The following CDH13 variants were observed in gnomAD, a reference collection of about 807,000 sequenced individuals.
CDH13 encodes cadherin-13.
In CDH13, 24 loss-of-function variants were observed where a neutral mutation model predicts 63.8. That is an observed-to-expected ratio of 0.38 (90% confidence interval 0.27 to 0.53). The LOEUF (loss-of-function observed/expected upper bound fraction) is 0.53. Ranked by LOEUF, CDH13 falls within the 20% of genes least tolerant of loss-of-function variation. The pLI, the probability that CDH13 is intolerant of heterozygous loss-of-function variation, is 0.85. For synonymous variants in CDH13, 503 were observed against 355.3 expected (o/e 1.42, Z -4.67); for missense variants, 1,049 against 903.1 (o/e 1.16, Z -2.07).
At chr16:83,137,415 C>G (rs1403445321) in intron 4 of CDH13, among the ~76,000 whole-genome samples, 1 of 152,212 alleles carries the variant, frequency 6.6e-6, no homozygotes, top group African/African-American at 2.4e-5. Context: ...ATGAGGTTAA[C>G]CTCGCCAACA....
chr16:83,378,948 A>G (rs1426408400), intron 6 of CDH13, among the ~76,000 whole-genome samples: 1 of 151,890 alleles, frequency 6.6e-6, no homozygotes, highest in East Asian at 1.9e-4. Flanking sequence ...AATTATTTCC[A>G]AGATAGGTTT....
At chr16:83,271,684 C>A (rs562426302) in intron 5 of CDH13, among the ~76,000 whole-genome samples, 5 of 151,856 alleles carry the variant, frequency 3.3e-5, no homozygotes, top group Non-Finnish European at 7.4e-5. Context: ...CACTTGTGAG[C>A]CAGCATTATT....
chr16:83,052,776 CAAAAAA>C (rs71148805), intron 3 of CDH13, among the ~76,000 whole-genome samples: 60 of 92,842 alleles, frequency 6.5e-4, no homozygotes, highest in South Asian at 1.1e-3. Flanking sequence ...GACTTTATCT[CAAAAAA>C]AAAAAAAAAA....
chr16:83,039,006 C>A lies in CDH13; in HGVS notation c.366+6788C>A, dbSNP rs530393243. Among the ~76,000 whole-genome samples, 3 of 152,194 alleles carry A rather than the reference C, an allele frequency of 2.0e-5. No homozygotes were observed. In the South Asian group the frequency reaches 6.2e-4, roughly 32 times the overall value. On this transcript the variant is annotated intron_variant, in intron 3 of 13. Transcript: ENST00000567109. Reference sequence around the variant, plus strand: ...GAACTAAAGATACTGTACCTCCAGGCTTCGTCTTGAAACATGGAAGCCCAC... The same window carrying A: ...GAACTAAAGATACTGTACCTCCAGGATTCGTCTTGAAACATGGAAGCCCAC...
At chr16:83,150,002 T>C (rs1008164868) in intron 4 of CDH13, among the ~76,000 whole-genome samples, 1 of 152,206 alleles carries the variant, frequency 6.6e-6, no homozygotes, top group Non-Finnish European at 1.5e-5. Flanking sequence ...CTTTCCACTT[T>C]ATGTGTTTGT....
chr16:83,588,920 A>G (rs1906441899), intron 7 of CDH13, among the ~76,000 whole-genome samples: 1 of 152,182 alleles, frequency 6.6e-6, no homozygotes, highest in South Asian at 2.1e-4. Flanking sequence ...GTGTTCCAGG[A>G]AACTCAGCGG....
intron 4 of CDH13, among the ~76,000 whole-genome samples, chr16:83,185,845 T>G (rs1335566152): frequency 6.6e-6 from 1 of 152,186 alleles, no homozygotes; most frequent in Non-Finnish European, 1.5e-5. Context: ...TTTATGCATT[T>G]GAAACATTTT....
intron 8 of CDH13, among the ~76,000 whole-genome samples, chr16:83,629,226 A>G (rs777268453): frequency 3.3e-5 from 5 of 152,264 alleles, no homozygotes; most frequent in Non-Finnish European, 5.9e-5. Context: ...TTACCTAAAT[A>G]GAGATTGCCC....
intron 2 of CDH13, among the ~76,000 whole-genome samples, chr16:82,968,800 A>G (rs1309125570): frequency 1.3e-5 from 2 of 152,176 alleles, no homozygotes; most frequent in Non-Finnish European, 2.9e-5. Flanking sequence ...GCCTTTCACA[A>G]ATGGGTTTTT....
chr16:83,031,809 C>G (rs2151473864), intron 2 of CDH13, among the ~76,000 whole-genome samples: 1 of 152,296 alleles, frequency 6.6e-6, no homozygotes, highest in East Asian at 1.9e-4. Flanking sequence ...GCGAGTTCGT[C>G]AAGGACATGT....
Position 83,426,221 on chromosome 16 carries a change from T to C in CDH13, c.782-60256T>C, listed in dbSNP as rs149249684. Among the ~76,000 whole-genome samples the C allele has an allele frequency of 3.5e-3, 539 of 152,330 alleles. 7 individuals carry two copies. Among genetic ancestry groups the C allele is most frequent in the African/African-American group, 0.013 (520 of 41,582 alleles). On this transcript the variant is annotated intron_variant, in intron 6 of 13. Coordinates refer to ENST00000567109, the MANE Select transcript of CDH13 (RefSeq NM_001257.5). ...CCCAGCCTCTGGGTTTCCACCCTAA[T>C]GCATTGAGATTCTAGGGCTCTGGAT...
At chr16:82,679,640 G>C (rs555894363) in intron 1 of CDH13, among the ~76,000 whole-genome samples, 39 of 152,178 alleles carry the variant, frequency 2.6e-4, no homozygotes, top group Non-Finnish European at 5.6e-4. Context: ...TTGCTTCCCA[G>C]TGGAACCTGA....
In CDH13 at chr16:83,494,886, C is replaced by T. The variant is rs552624920; in HGVS notation, c.960+8231C>T. On this transcript the variant is annotated intron_variant, in intron 7 of 13. Coordinates refer to ENST00000567109, the MANE Select transcript of CDH13 (RefSeq NM_001257.5). The stretch of plus-strand genomic sequence containing the variant: ...TTGAACACTTTGGGGTTCTAAAAGC[C>T]GTGATCAACCTTATTGGACATATGG... Among the ~76,000 whole-genome samples the T allele has an allele frequency of 5.9e-5, 9 of 152,234 alleles. No individual in the cohort carries two copies. The South Asian group carries it at 6.2e-4, about 11-fold the overall frequency.
At chr16:83,260,097 T>TGCAC (rs1358317107) in intron 5 of CDH13, among the ~76,000 whole-genome samples, 81 of 126,522 alleles carry the variant, frequency 6.4e-4, no homozygotes, top group African/African-American at 2.3e-3. Flanking sequence ...GTACCCCCAA[T>TGCAC]ACACACACAC....
chr16:82,817,458 C>G (rs1242641124), intron 1 of CDH13, among the ~76,000 whole-genome samples: 1 of 152,154 alleles, frequency 6.6e-6, no homozygotes, highest in Non-Finnish European at 1.5e-5. Flanking sequence ...TGACAAAATA[C>G]TCTCATACAC....
intron 3 of CDH13, among the ~76,000 whole-genome samples, chr16:83,116,372 G>A (rs1216492567): frequency 6.6e-6 from 1 of 152,126 alleles, no homozygotes. Flanking sequence ...GTAGCTGGAG[G>A]CCTCAGCCTT....
At chr16:82,802,476 T>C (rs573613307) in intron 1 of CDH13, among the ~76,000 whole-genome samples, 34 of 152,258 alleles carry the variant, frequency 2.2e-4, no homozygotes, top group Admixed American at 1.8e-3. Flanking sequence ...TCAGAGGTTC[T>C]CCTTTTCTCT....
rs930692876 is a variant in CDH13 at position 83,518,698 on chromosome 16, C to G, written c.960+32043C>G. 4.6e-5 allele frequency among the ~76,000 whole-genome samples: 7 copies of G among 151,858 alleles called. 1 individual carries two copies. In the South Asian group the frequency reaches 1.5e-3, roughly 32 times the overall value. On this transcript the variant is annotated intron_variant, in intron 7 of 13. Coordinates refer to ENST00000567109, the MANE Select transcript of CDH13 (RefSeq NM_001257.5). ...ATGTTAGCCAGGATGGTCTCGATCT[C>G]CTGACCTCGTGATCTGCCCGCCTCA... is the stretch of plus-strand genomic sequence containing the variant.
At chr16:83,290,189 G>T (rs2089432158) in intron 5 of CDH13, among the ~76,000 whole-genome samples, 1 of 152,056 alleles carries the variant, frequency 6.6e-6, no homozygotes, top group African/African-American at 2.4e-5. Flanking sequence ...TACCATTACG[G>T]GAACTAACCA....
Sources: allele counts gnomAD v4.1 joint callset (sites outside exome capture counted in the v4.1 genomes callset), GRCh38; gene constraint gnomAD v4.1.1; transcripts MANE v1.5; gene names NCBI Gene and HGNC (gene_info 2026-07-23, HGNC 2026-07-21).